The following STARD13 variants were observed in gnomAD, a reference collection of about 807,000 sequenced individuals.
The protein encoded by STARD13 is stAR-related lipid transfer protein 13.
Under a neutral mutation model 106.4 loss-of-function variants are expected in STARD13, and 62 were observed. That is an observed-to-expected ratio of 0.58 (90% CI 0.48 to 0.72). STARD13 has a LOEUF of 0.72. Among genes scored for constraint, STARD13 ranks in the 30% least tolerant of loss-of-function variants. The pLI is 0.00. For missense variants in STARD13, 1,387 were observed against 1,424.0 expected, an observed-to-expected ratio of 0.97 and a Z score of 0.42; for synonymous variants, 565 against 553.0, an observed-to-expected ratio of 1.02 and a Z score of -0.31.
At chr13:33,401,930 T>A in the STARD13 span, among the ~76,000 whole-genome samples, 49 of 152,240 alleles carry the variant, frequency 3.2e-4, no homozygotes, top group Admixed American at 6.5e-4. Context: ...ATCTTTTACA[T>A]CTGTTGTCTT....
At chr13:33,376,249 A>G in the STARD13 span, among the ~76,000 whole-genome samples, 2 of 152,178 alleles carry the variant, frequency 1.3e-5, no homozygotes, top group Admixed American at 1.3e-4. Context: ...TCATTCATTC[A>G]GTATTTTGCA....
intron 1 of STARD13, among the ~76,000 whole-genome samples, chr13:33,192,062 G>A (rs1886290385): frequency 6.6e-6 from 1 of 152,208 alleles, no homozygotes; most frequent in Admixed American, 6.5e-5. Flanking sequence ...TGGAGTCTCT[G>A]TTTTTTGGCA....
At chr13:33,269,238 A>G (rs1891044681) in intron 1 of STARD13, among the ~76,000 whole-genome samples, 1 of 152,240 alleles carries the variant, frequency 6.6e-6, no homozygotes, top group African/African-American at 2.4e-5. Context: ...GCATACTCAA[A>G]TATTTAAAGC....
the STARD13 span, among the ~76,000 whole-genome samples, chr13:33,610,374 A>G: frequency 6.6e-6 from 1 of 152,202 alleles, no homozygotes; most frequent in East Asian, 1.9e-4. Flanking sequence ...GTGATGATAT[A>G]TTTGTTACTT....
At chr13:33,183,396 G>A (rs1224538436) in intron 1 of STARD13, among the ~76,000 whole-genome samples, 2 of 152,188 alleles carry the variant, frequency 1.3e-5, no homozygotes, top group East Asian at 1.9e-4. Context: ...GGACTTGCAC[G>A]TTGCTGCTGG....
the STARD13 span, among the ~76,000 whole-genome samples, chr13:33,542,996 CT>C: frequency 6.6e-6 from 1 of 152,232 alleles, no homozygotes; most frequent in Admixed American, 6.5e-5. Flanking sequence ...TGTGGCGACT[CT>C]GAAGCGGAAG....
chr13:33,639,519 T>TA, the STARD13 span, among the ~76,000 whole-genome samples: 1 of 152,192 alleles, frequency 6.6e-6, no homozygotes, highest in Non-Finnish European at 1.5e-5. Flanking sequence ...TCCTAGTAGG[T>TA]ACCAACATGA....
the STARD13 span, among the ~76,000 whole-genome samples, chr13:33,481,154 G>C: frequency 3.3e-5 from 5 of 151,784 alleles, no homozygotes; most frequent in Non-Finnish European, 5.9e-5. Context: ...AATCAAGCAT[G>C]AATCCTTCCT....
At chr13:33,128,318 C>T (rs1034635466) in intron 5 of STARD13, among the ~76,000 whole-genome samples, 1 of 152,020 alleles carries the variant, frequency 6.6e-6, no homozygotes, top group South Asian at 2.1e-4. Context: ...AGATGGAGCC[C>T]GAAGATGAGA....
chr13:33,404,924 G>A, the STARD13 span, among the ~76,000 whole-genome samples: 4 of 152,022 alleles, frequency 2.6e-5, no homozygotes, highest in African/African-American at 7.2e-5. Context: ...TTACAGGCAT[G>A]TGCCACCACG....
intron 1 of STARD13, among the ~76,000 whole-genome samples, chr13:33,219,851 GAGA>G (rs1044311486): frequency 6.8e-6 from 1 of 146,850 alleles, no homozygotes; most frequent in African/African-American, 2.5e-5. Context: ...AAGAAGAAAA[GAGA>G]AGAAAAGTAT....
chr13:33,110,926 GA>G lies in STARD13; in HGVS notation c.2608-20del. On this transcript the variant is annotated intron_variant, in intron 10 of 13. Transcript: ENST00000336934. Reference sequence around the variant, plus strand: ...GTGGAACCTAGACCAACGGATGCATGAAAGGGCAACACACTGAGCCAAAGAA... The same window carrying G: ...GTGGAACCTAGACCAACGGATGCATGAAGGGCAACACACTGAGCCAAAGAA... 6.2e-7 allele frequency: 1 copy of G among 1,600,736 alleles called. No homozygotes were observed. The highest frequency in any genetic ancestry group is 8.6e-7 in the Non-Finnish European group (1 of 1,169,466).
chr13:33,483,476 G>T, the STARD13 span, among the ~76,000 whole-genome samples: 1 of 152,036 alleles, frequency 6.6e-6, no homozygotes, highest in Admixed American at 6.5e-5. Context: ...ACAGATTTTT[G>T]AATACACGTA....
At chr13:33,412,118 A>C in the STARD13 span, among the ~76,000 whole-genome samples, 2 of 152,200 alleles carry the variant, frequency 1.3e-5, no homozygotes. Context: ...CCACTGTCTG[A>C]TGTGGTTCTA....
intron 1 of STARD13, among the ~76,000 whole-genome samples, chr13:33,191,033 G>T (rs1886222442): frequency 6.6e-6 from 1 of 152,122 alleles, no homozygotes; most frequent in South Asian, 2.1e-4. Flanking sequence ...TTTCCAAAAA[G>T]ATGTTGGGAT....
At chr13:33,367,570 C>A in the STARD13 span, among the ~76,000 whole-genome samples, 1 of 152,010 alleles carries the variant, frequency 6.6e-6, no homozygotes, top group Non-Finnish European at 1.5e-5. Flanking sequence ...TATTAGAACC[C>A]CCAGCAGTAA....
rs1012483870 is a variant in STARD13, at chr13:33,130,962, G to A, written c.388-673C>T. 2.0e-5 allele frequency among the ~76,000 whole-genome samples: 3 copies of A among 152,234 alleles called. No individual in the cohort carries two copies. Among genetic ancestry groups the A allele is most frequent in the Admixed American group, 1.3e-4 (2 of 15,288 alleles). ...TCTTTTTCTGTGGAATCAACTCCGA[G>A]TCAGAATGCCGTTGGCAGGACGCAC... On this transcript the variant is annotated intron_variant, in intron 4 of 13. Coordinates refer to ENST00000336934, the MANE Select transcript of STARD13 (RefSeq NM_178006.4). This position sits in a 1 kb window ranked among gnomAD's most constrained non-coding sequence, Gnocchi z 4.1.
chr13:33,313,096 T>C (rs1893203191), intron 1 of STARD13, among the ~76,000 whole-genome samples: 1 of 152,224 alleles, frequency 6.6e-6, no homozygotes, highest in South Asian at 2.1e-4. Context: ...AGACTGTAGA[T>C]TGTTGGGGAC....
chr13:33,599,238 G>A, the STARD13 span, among the ~76,000 whole-genome samples: 5 of 152,112 alleles, frequency 3.3e-5, no homozygotes, highest in Admixed American at 6.6e-5. Flanking sequence ...CTTTTCACGT[G>A]TTCCAGGAAC....
Sources: gnomAD v4.1 joint callset for allele counts (sites outside exome capture counted in the v4.1 genomes callset) on GRCh38, gnomAD v4.1.1 for gene constraint, Gnocchi (gnomAD v3.1) non-coding constraint, MANE v1.5 for transcripts, NCBI Gene and HGNC (gene_info 2026-07-23, HGNC 2026-07-21) for gene names.